DCC: variants seen among roughly 807,000 people sequenced by gnomAD.
The protein encoded by DCC is netrin receptor DCC.
DCC carries 58 observed loss-of-function variants against 172.5 expected under a neutral mutation model. The ratio of observed to expected loss-of-function variants is 0.34; its 90% confidence interval spans 0.27 to 0.42. The LOEUF (loss-of-function observed/expected upper bound fraction) is 0.42. Among genes scored for constraint, DCC ranks in the 10% least tolerant of loss-of-function variants. The pLI, the probability that DCC is intolerant of heterozygous loss-of-function variation, is 1.00. For synonymous variants in DCC, 709 were observed against 644.5 expected (o/e 1.10, Z -1.52); for missense variants, 1,740 against 1,791.0 (o/e 0.97, Z 0.51).
At chr18:53,371,669 T>C (rs1003037693) in intron 15 of DCC, among the ~76,000 whole-genome samples, 5 of 152,018 alleles carry the variant, frequency 3.3e-5, no homozygotes, top group Non-Finnish European at 7.4e-5. Flanking sequence ...CCAGTACAGA[T>C]CATAATAATA....
intron 1 of DCC, among the ~76,000 whole-genome samples, chr18:52,561,367 A>G (rs1206147476): frequency 2.6e-5 from 4 of 151,724 alleles, no homozygotes; most frequent in Admixed American, 2.0e-4. Context: ...AAATATATAC[A>G]TTGATCTTTA....
intron 1 of DCC, among the ~76,000 whole-genome samples, chr18:52,725,967 G>A (rs1343246380): frequency 6.6e-6 from 1 of 152,102 alleles, no homozygotes; most frequent in Non-Finnish European, 1.5e-5. Flanking sequence ...TTTATTAGGG[G>A]AAACAGAATG....
intron 5 of DCC, among the ~76,000 whole-genome samples, chr18:52,977,392 A>G (rs1392852860): frequency 1.3e-5 from 2 of 152,136 alleles, no homozygotes; most frequent in African/African-American, 2.4e-5. Context: ...GACATTTAAA[A>G]AGATCCCAGG....
At chr18:52,819,089 G>A (rs752358011) in intron 2 of DCC, among the ~76,000 whole-genome samples, 14 of 152,146 alleles carry the variant, frequency 9.2e-5, no homozygotes, top group Non-Finnish European at 1.9e-4. Flanking sequence ...GTTTACAGTC[G>A]TTTTACAGAA....
chr18:52,994,070 G>A (rs191207069), intron 5 of DCC, among the ~76,000 whole-genome samples: 15 of 151,972 alleles, frequency 9.9e-5, no homozygotes, highest in African/African-American at 3.6e-4. Context: ...CTCAACTTAG[G>A]TAAGAGTAGC....
intron 1 of DCC, 103 bp downstream of exon 1, chr18:52,340,981 A>C: frequency 1.1e-6 from 1 of 931,514 alleles, no homozygotes; most frequent in Non-Finnish European, 1.8e-6. Flanking sequence ...GGATAGCAAG[A>C]GATTTGGCGC....
At chr18:53,102,043 AGACTCAAGTCTT>A (rs2043181245) in intron 7 of DCC, among the ~76,000 whole-genome samples, 1 of 152,142 alleles carries the variant, frequency 6.6e-6, no homozygotes, top group African/African-American at 2.4e-5. Context: ...GAGAGCTTAA[AGACTCAAGTCTT>A]GACTCGGATG....
At chr18:53,150,362 C>G (rs949005534) in intron 7 of DCC, among the ~76,000 whole-genome samples, 1 of 152,204 alleles carries the variant, frequency 6.6e-6, no homozygotes, top group Non-Finnish European at 1.5e-5. Context: ...TTAACATAAT[C>G]TCACAAATTT....
chr18:53,048,791 T>C (rs980853505), intron 5 of DCC, among the ~76,000 whole-genome samples: 6 of 151,852 alleles, frequency 4.0e-5, no homozygotes. Flanking sequence ...CTAATTTACA[T>C]TTCCACCAGC....
intron 7 of DCC, among the ~76,000 whole-genome samples, chr18:53,085,957 CTCT>C (rs747047237): frequency 0.078 from 5,112 of 65,936 alleles, 728 homozygotes; most frequent in Non-Finnish European, 0.099. Context: ...GGAGTATTTT[CTCT>C]TCTTCTTCTT....
At chr18:52,804,033 G>A (rs1463559921) in intron 2 of DCC, among the ~76,000 whole-genome samples, 2 of 152,212 alleles carry the variant, frequency 1.3e-5, no homozygotes, top group Admixed American at 1.3e-4. Flanking sequence ...GGTGATGTGT[G>A]TGGGTGCCAG....
chr18:52,655,378 A>C (rs1038753822), intron 1 of DCC, among the ~76,000 whole-genome samples: 4 of 152,158 alleles, frequency 2.6e-5, no homozygotes, highest in Admixed American at 2.0e-4. Context: ...CTTTCATTGA[A>C]AATGGCGGTC....
rs559615377 is a variant in DCC at position 53,127,242 on chromosome 18, C to T, written c.1262-30114C>T. On this transcript the variant is annotated intron_variant, in intron 7 of 28. Coordinates refer to ENST00000442544, the MANE Select transcript of DCC (RefSeq NM_005215.4). ...GTCTGGTCTTGAACTCTTGGCCTCA[C>T]GTGATCCTCCCGCCTGAGCCTCCCA... Among the ~76,000 whole-genome samples, 22 of 150,638 alleles carry T rather than the reference C, an allele frequency of 1.5e-4. No individual in the cohort carries two copies. In the South Asian group the frequency reaches 2.3e-3, roughly 16 times the overall value.
intron 2 of DCC, among the ~76,000 whole-genome samples, chr18:52,867,668 G>A (rs142311103): frequency 0.05 from 7,607 of 152,148 alleles, 258 homozygotes; most frequent in South Asian, 0.14. Context: ...GTTTATTTGC[G>A]TAGAGGTGTT....
chr18:52,809,292 C>G (rs1253197548), intron 2 of DCC: 3 of 154,610 alleles, frequency 1.9e-5, no homozygotes, highest in African/African-American at 7.2e-5. Flanking sequence ...TATTTTGTTA[C>G]TGACAGGTCT....
At chr18:53,140,800 C>T (rs1389692987) in intron 7 of DCC, among the ~76,000 whole-genome samples, 5 of 151,654 alleles carry the variant, frequency 3.3e-5, no homozygotes, top group Non-Finnish European at 5.9e-5. Flanking sequence ...AAGGGAAGCC[C>T]GACAAAGGGA....
At chr18:52,723,256 A>G (rs984180680) in intron 1 of DCC, among the ~76,000 whole-genome samples, 1 of 152,164 alleles carries the variant, frequency 6.6e-6, no homozygotes. Context: ...AAATATTTCT[A>G]TTGGCAGTAA....
At chr18:53,312,765 T>TC (rs2057290336) in intron 13 of DCC, among the ~76,000 whole-genome samples, 1 of 126,514 alleles carries the variant, frequency 7.9e-6, no homozygotes, top group African/African-American at 3.1e-5. Flanking sequence ...GCCGAGATTG[T>TC]GCCACTGCAG....
chr18:52,530,311 G>T (rs2144682676), intron 1 of DCC, among the ~76,000 whole-genome samples: 1 of 152,310 alleles, frequency 6.6e-6, no homozygotes, highest in East Asian at 1.9e-4. Context: ...GCTGACAGCA[G>T]TTAAGTGATT....
Sources: allele counts gnomAD v4.1 joint callset (sites outside exome capture counted in the v4.1 genomes callset), GRCh38; gene constraint gnomAD v4.1.1; transcripts MANE v1.5; gene names NCBI Gene and HGNC (gene_info 2026-07-23, HGNC 2026-07-21).